TCERG1L: variants seen among roughly 807,000 people sequenced by gnomAD.
TCERG1L encodes transcription elongation regulator 1 like.
Under a neutral mutation model 56.3 loss-of-function variants are expected in TCERG1L, and 37 were observed. That is an observed-to-expected ratio of 0.66 (90% CI 0.51 to 0.87). The LOEUF (loss-of-function observed/expected upper bound fraction) is 0.87. TCERG1L is among the 40% of genes least tolerant of loss of function. The probability of loss-of-function intolerance (pLI) is 0.00; values close to 1 mark genes in which losing one functional copy is unlikely to be tolerated. For missense variants in TCERG1L, 799 were observed against 774.2 expected (o/e 1.03, Z -0.38); for synonymous variants, 324 against 326.3 (o/e 0.99, Z 0.08).
intron 4 of TCERG1L, among the ~76,000 whole-genome samples, chr10:131,184,549 C>T (rs1405662875): frequency 6.6e-6 from 1 of 152,228 alleles, no homozygotes; most frequent in East Asian, 1.9e-4. Flanking sequence ...CCATACCAGT[C>T]AGCGAGGGAT....
chr10:131,287,271 C>T (rs887665310), intron 3 of TCERG1L, among the ~76,000 whole-genome samples: 3 of 152,142 alleles, frequency 2.0e-5, no homozygotes, highest in African/African-American at 7.2e-5. Flanking sequence ...CTGACCTCTC[C>T]ATACTTATTT....
chr10:131,112,531 G>T lies in TCERG1L; in HGVS notation c.1395+4268C>A, dbSNP rs1845421959. Among the ~76,000 whole-genome samples, 4 of 142,216 alleles carry T rather than the reference G, an allele frequency of 2.8e-5. No homozygotes were observed. The South Asian group carries it at 1.0e-3, about 37-fold the overall frequency. 93.3% of individuals were successfully genotyped at this position (142,216 alleles called of 152,430 possible). On this transcript the variant is annotated intron_variant, in intron 9 of 11. Transcript: ENST00000368642. Reference sequence around the variant, plus strand: ...CCCACTCTGCGGCCCTCTTCTCCTGGCCTCTGGACTTTGCCTGCTCGCAGG... The same window carrying T: ...CCCACTCTGCGGCCCTCTTCTCCTGTCCTCTGGACTTTGCCTGCTCGCAGG...
chr10:131,149,759 C>A lies in TCERG1L; in HGVS notation c.1035-3099G>T, dbSNP rs182743383. On this transcript the variant is annotated intron_variant, in intron 6 of 11. Transcript: ENST00000368642. ...CATTGGGCTCTGTCTCCAGGCACCC[C>A]TCTTGCAAGGAATGCAGCTAGACTC... 4.2e-3 allele frequency among the ~76,000 whole-genome samples: 634 copies of A among 152,334 alleles called. 6 individuals are homozygous for A. Among genetic ancestry groups the A allele is most frequent in the Non-Finnish European group, 6.0e-3 (405 of 68,040 alleles).
chr10:131,269,673 A>G lies in TCERG1L; in HGVS notation c.671-9229T>C, dbSNP rs950825506. Among the ~76,000 whole-genome samples the G allele has an allele frequency of 2.6e-5, 4 of 152,370 alleles. 1 individual carries two copies. The South Asian group carries it at 8.3e-4, about 32-fold the overall frequency. ...AACAATCACAATAGTAGCATCGATT[A>G]TCACTGATCATAGATCACCACAACA... On this transcript the variant is annotated intron_variant, in intron 3 of 11. Coordinates refer to ENST00000368642, the MANE Select transcript of TCERG1L (RefSeq NM_174937.4).
At chr10:131,217,745 G>A (rs772543514) in intron 4 of TCERG1L, among the ~76,000 whole-genome samples, 4 of 121,240 alleles carry the variant, frequency 3.3e-5, no homozygotes, top group East Asian at 4.9e-4. Context: ...TTTTTGAGAC[G>A]GAGTCTCACT....
chr10:131,262,345 T>C (rs1396851021), intron 3 of TCERG1L, among the ~76,000 whole-genome samples: 2 of 152,126 alleles, frequency 1.3e-5, no homozygotes, highest in Admixed American at 6.5e-5. Flanking sequence ...TTTGGAGGCA[T>C]ATAGGAGGTA....
chr10:131,160,544 C>T (rs371198220), intron 6 of TCERG1L, among the ~76,000 whole-genome samples: 16 of 152,338 alleles, frequency 1.1e-4, no homozygotes, highest in African/African-American at 3.4e-4. Flanking sequence ...GGCTTAGCTG[C>T]TCCACTCTCA....
intron 4 of TCERG1L, among the ~76,000 whole-genome samples, chr10:131,240,498 A>G (rs977497833): frequency 1.1e-4 from 17 of 152,060 alleles, no homozygotes; most frequent in African/African-American, 3.9e-4. Context: ...ACAATCCCTG[A>G]AACGCCAGAA....
At chr10:131,253,221 A>G (rs186047277) in intron 4 of TCERG1L, among the ~76,000 whole-genome samples, 233 of 152,312 alleles carry the variant, frequency 1.5e-3, no homozygotes, top group African/African-American at 5.1e-3. Flanking sequence ...GTGTCTCTAT[A>G]GACGGACAGG....
rs1272722113 is a variant in TCERG1L at position 131,308,289 on chromosome 10, C to T, written c.592G>A (p.Val198Ile). 7 of 1,613,900 alleles carry T rather than the reference C, an allele frequency of 4.3e-6. No individual in the cohort carries two copies. Among genetic ancestry groups the T allele is most frequent in the Non-Finnish European group, 5.9e-6 (7 of 1,179,914 alleles). The change falls in exon 3 of 12, where the codon GTA becomes ATA. Residue 198 changes from valine (V) to isoleucine (I), a missense_variant. By Grantham distance (29) the Val-to-Ile change is conservative. Transcript: ENST00000368642. ...HEKPRLLANQ[V>I]AVSLSRPAPA... is the part of the protein sequence containing the mutation. The stretch of plus-strand genomic sequence containing the variant: ...GCCGGCCTGGACAGAGACACAGCTA[C>T]TTGATTTGCCAGCAAACGAGGCTTT...
At chr10:131,142,323 G>C (rs1845747513) in intron 7 of TCERG1L, among the ~76,000 whole-genome samples, 1 of 152,004 alleles carries the variant, frequency 6.6e-6, no homozygotes, top group Non-Finnish European at 1.5e-5. Context: ...AGCGGCCCTG[G>C]GTCCCCCCAA....
chr10:131,101,750 G>A (rs1012463581), intron 10 of TCERG1L, among the ~76,000 whole-genome samples: 2 of 152,064 alleles, frequency 1.3e-5, no homozygotes, highest in Non-Finnish European at 2.9e-5. Flanking sequence ...GCCCAGGCTG[G>A]AGTGCAGTGG....
At chr10:131,199,323 G>A (rs1233099632) in intron 4 of TCERG1L, among the ~76,000 whole-genome samples, 1 of 152,140 alleles carries the variant, frequency 6.6e-6, no homozygotes, top group Non-Finnish European at 1.5e-5. Context: ...TCTTTTGATT[G>A]TAAATTCCAT....
intron 7 of TCERG1L, among the ~76,000 whole-genome samples, chr10:131,142,624 C>T (rs779159677): frequency 6.6e-6 from 1 of 152,214 alleles, no homozygotes. Flanking sequence ...GGTGAGCTCG[C>T]ACCAAGAGTC....
chr10:131,265,533 G>A lies in TCERG1L; in HGVS notation c.671-5089C>T, dbSNP rs1027415584. On this transcript the variant is annotated intron_variant, in intron 3 of 11. Transcript: ENST00000368642. ...GTGAAGTTCAGTCATGATAACCATCGGAATTGAGTACCAGCAAACCTCAGA... is the reference window on the plus strand; with the variant it reads ...GTGAAGTTCAGTCATGATAACCATCAGAATTGAGTACCAGCAAACCTCAGA... 9.2e-5 allele frequency among the ~76,000 whole-genome samples: 14 copies of A among 152,268 alleles called. 1 individual carries two copies. The South Asian group carries it at 2.1e-3, about 23-fold the overall frequency.
At chr10:131,256,286 C>T (rs368994994) in intron 4 of TCERG1L, among the ~76,000 whole-genome samples, 1 of 152,158 alleles carries the variant, frequency 6.6e-6, no homozygotes, top group African/African-American at 2.4e-5. Context: ...TGAAAGGCTG[C>T]GTGGTAGAAT....
intron 4 of TCERG1L, among the ~76,000 whole-genome samples, chr10:131,236,482 G>A (rs568486776): frequency 1.2e-4 from 18 of 152,170 alleles, no homozygotes; most frequent in Non-Finnish European, 1.8e-4. Flanking sequence ...GGGTCACCGT[G>A]CCCTGTGGCT....
chr10:131,284,350 A>T (rs1053167183), intron 3 of TCERG1L, among the ~76,000 whole-genome samples: 14 of 152,150 alleles, frequency 9.2e-5, no homozygotes, highest in African/African-American at 3.1e-4. Context: ...AAATTTAAAT[A>T]TGAAACTGAG....
intron 4 of TCERG1L, among the ~76,000 whole-genome samples, chr10:131,191,654 A>G (rs553304924): frequency 1.4e-5 from 2 of 142,572 alleles, no homozygotes; most frequent in East Asian, 3.9e-4. Context: ...AGCCACATGT[A>G]GAAGAATGAA....
Sources: gnomAD v4.1 joint callset for allele counts (sites outside exome capture counted in the v4.1 genomes callset) on GRCh38, gnomAD v4.1.1 for gene constraint, MANE v1.5 for transcripts, NCBI Gene and HGNC (gene_info 2026-07-23, HGNC 2026-07-21) for gene names.